The following CROCC2 variants were observed in gnomAD, a reference collection of about 807,000 sequenced individuals.
CROCC2 encodes the protein ciliary rootlet coiled-coil, rootletin family member 2.
In CROCC2, 163 loss-of-function variants were observed where a neutral mutation model predicts 177.6. The observed-to-expected ratio is 0.92, with a 90% CI of 0.81 to 1.05. CROCC2 has a LOEUF of 1.05. Ranked by LOEUF, CROCC2 falls within the 50% of genes least tolerant of loss-of-function variation. CROCC2 has a pLI of 0.00. For synonymous variants in CROCC2, 904 were observed against 787.3 expected, an observed-to-expected ratio of 1.15 and a Z score of -2.48; for missense variants, 1,929 against 1,797.8, an observed-to-expected ratio of 1.07 and a Z score of -1.32.
rs746931364 is a variant in CROCC2, at chr2:240,933,246, G to A, written c.1367G>A (p.Arg456Gln). 3.6e-4 allele frequency: 554 copies of A among 1,549,118 alleles called. No homozygotes were observed. Among genetic ancestry groups the A allele is most frequent in the Middle Eastern group, 7.3e-4 (4 of 5,514 alleles). The change falls in exon 10 of 32, where the codon CGG (arginine) becomes CAG (glutamine). Residue 456 changes from arginine (R) to glutamine (Q), a missense_variant. Arg to Gln is a conservative substitution (Grantham distance 43). This residue lies in a region of CROCC2 where 1,397 missense variants were observed against 1,239.9 expected (regional missense o/e 1.13). Coordinates refer to ENST00000690015, the MANE Select transcript of CROCC2 (RefSeq NM_001351305.2). ...AAQKLQQERA[R>Q]EQAREREALR... ...CAGAAGCTCCAGCAGGAGCGGGCTC[G>A]GGAGCAGGCACGGGAACGAGAGGCT... is the stretch of plus-strand genomic sequence containing the variant.
intron 27 of CROCC2, among the ~76,000 whole-genome samples, chr2:240,981,055 G>T (rs1407648870): frequency 8.8e-6 from 1 of 113,904 alleles, no homozygotes; most frequent in Non-Finnish European, 1.7e-5. Flanking sequence ...TCCCTGCTCA[G>T]TCTCTGGGTC....
chr2:240,932,075 A>G (rs755604120), intron 7 of CROCC2, among the ~76,000 whole-genome samples: 1 of 152,240 alleles, frequency 6.6e-6, no homozygotes, highest in Non-Finnish European at 1.5e-5. Context: ...CAGCCACTGC[A>G]TCTGAGGCTG....
chr2:240,986,667 G>A (rs930654945), intron 28 of CROCC2, among the ~76,000 whole-genome samples: 3 of 152,200 alleles, frequency 2.0e-5, no homozygotes, highest in African/African-American at 4.8e-5. Context: ...GGTGTCTTTG[G>A]ACTTCCATCC....
chr2:240,939,823 A>G (rs752896139), intron 14 of CROCC2, among the ~76,000 whole-genome samples: 9 of 152,178 alleles, frequency 5.9e-5, no homozygotes, highest in Non-Finnish European at 1.2e-4. Context: ...ATTTGGACAT[A>G]TATGGCCTAA....
chr2:240,936,662 C>A (rs893104513), intron 14 of CROCC2, among the ~76,000 whole-genome samples: 25 of 152,312 alleles, frequency 1.6e-4, no homozygotes, highest in Admixed American at 1.5e-3. Context: ...CTTCCTTGAC[C>A]CTGCCTACAA....
chr2:240,968,380 G>T, intron 27 of CROCC2, 118 bp downstream of exon 27: 1 of 1,295,616 alleles, frequency 7.7e-7, no homozygotes. Flanking sequence ...GTCTGCAAGG[G>T]CTTCTGTGGG....
chr2:240,946,113 C>T lies in CROCC2; in HGVS notation c.2223C>T (p.Asp741=), dbSNP rs922450548. Residue 741 remains aspartate, a synonymous_variant, in exon 15 of 32, where the codon GAC becomes GAT. Transcript: ENST00000690015. ...LEEQLAQSLQ[D]QEAQMGTLQQ... is the part of the protein sequence containing the mutation. ...AGCAGCTGGCTCAGAGCCTGCAGGA[C>T]CAGGAGGCCCAGATGGGCACTCTGC... 2.2e-5 allele frequency: 34 copies of T among 1,540,662 alleles called. No homozygotes were observed. Among genetic ancestry groups the T allele is most frequent in the African/African-American group, 2.7e-5 (2 of 72,918 alleles).
chr2:240,925,845 G>A lies in CROCC2; in HGVS notation c.610G>A (p.Gly204Ser), dbSNP rs1420698346. The part of the protein sequence containing the change: ...GMTGSVQRLQ[G>S]ELELRRWAQR... ...GACGGGCAGCGTGCAGCGCCTGCAGGGCGAGCTGGAGCTGAGGCGCTGGGC... is the reference window on the plus strand; with the variant it reads ...GACGGGCAGCGTGCAGCGCCTGCAGAGCGAGCTGGAGCTGAGGCGCTGGGC... Residue 204 changes from glycine to serine, a missense_variant, in exon 5 of 32, where the codon GGC (glycine) becomes AGC (serine). Coordinates refer to ENST00000690015, the MANE Select transcript of CROCC2 (RefSeq NM_001351305.2). 5.6e-6 allele frequency: 4 copies of A among 715,520 alleles called. No homozygotes were observed. The highest frequency in any genetic ancestry group is 1.0e-5 in the Non-Finnish European group (4 of 384,644). The allele number at this position is 715,520 out of a possible 1,614,324, so 44.3% of individuals were successfully genotyped here. A position where few individuals can be genotyped will look rare whatever the true frequency, so the allele number is the denominator to read the frequency against.
rs2059805121 is a variant in CROCC2, at chr2:240,982,133, G to C, written c.4402-747G>C. 1 of 152,216 alleles carries C rather than the reference G, an allele frequency of 6.6e-6. No homozygotes were observed. Among genetic ancestry groups the C allele is most frequent in the Non-Finnish European group, 1.5e-5 (1 of 68,180 alleles). 9.4% of individuals were successfully genotyped at this position (152,216 alleles called of 1,614,324 possible). On this transcript the variant is annotated intron_variant, in intron 27 of 31. Coordinates refer to ENST00000690015, the MANE Select transcript of CROCC2 (RefSeq NM_001351305.2). The surrounding 1 kb of genome is among the most constrained non-coding windows in gnomAD (Gnocchi z 4.7). Reference sequence around the variant, plus strand: ...TGGCGAGTTCCCCGGGCAGTGTCCTGGGGGCAGCTGGGAGCACCACAGGCC... The same window carrying C: ...TGGCGAGTTCCCCGGGCAGTGTCCTCGGGGCAGCTGGGAGCACCACAGGCC...
rs1337917103 is a variant in CROCC2 at position 240,980,980 on chromosome 2, G to C, written c.4402-1900G>C. On this transcript the variant is annotated intron_variant, in intron 27 of 31. Coordinates refer to ENST00000690015, the MANE Select transcript of CROCC2 (RefSeq NM_001351305.2). Reference sequence around the variant, plus strand: ...TCCCTGCTCAGGCTCTGGGGTAGGAGCCTCAGGATCCCAGACTCATCCCTG... The same window carrying C: ...TCCCTGCTCAGGCTCTGGGGTAGGACCCTCAGGATCCCAGACTCATCCCTG... 1.5e-4 allele frequency among the ~76,000 whole-genome samples: 14 copies of C among 92,722 alleles called. 2 individuals are homozygous for C. Among genetic ancestry groups the C allele is most frequent in the Non-Finnish European group, 2.6e-4 (13 of 50,144 alleles). 60.8% of individuals were successfully genotyped at this position (92,722 alleles called of 152,430 possible). A position where few individuals can be genotyped will look rare whatever the true frequency, so the allele number is the denominator to read the frequency against.
intron 18 of CROCC2, among the ~76,000 whole-genome samples, chr2:240,952,621 C>T (rs1332561261): frequency 6.6e-6 from 1 of 152,170 alleles, no homozygotes; most frequent in African/African-American, 2.4e-5. Flanking sequence ...GTGGAGAGGA[C>T]GTGGACATTG....
intron 27 of CROCC2, among the ~76,000 whole-genome samples, chr2:240,970,801 C>T (rs537915567): frequency 6.6e-6 from 1 of 152,216 alleles, no homozygotes; most frequent in Non-Finnish European, 1.5e-5. Context: ...TGGTGCACTA[C>T]TTTTTGCAAC....
intron 15 of CROCC2, among the ~76,000 whole-genome samples, chr2:240,946,483 G>A (rs2059525659): frequency 6.6e-6 from 1 of 152,246 alleles, no homozygotes; most frequent in Admixed American, 6.5e-5. Context: ...TGAAAGAGGT[G>A]GTGGCAAGTG....
chr2:240,936,182 T>C (rs186240590), intron 14 of CROCC2, among the ~76,000 whole-genome samples: 1 of 152,298 alleles, frequency 6.6e-6, no homozygotes, highest in Non-Finnish European at 1.5e-5. Context: ...TTTTCTGGGG[T>C]CACCTTTTTC....
intron 29 of CROCC2, 85 bp downstream of exon 29, chr2:240,988,955 G>C: frequency 7.7e-7 from 1 of 1,295,002 alleles, no homozygotes. Flanking sequence ...GTTCCAGAGG[G>C]GTGGCTGGTG....
At chr2:240,929,571 G>T (rs1055338362) in intron 5 of CROCC2, 8 of 431,666 alleles carry the variant, frequency 1.9e-5, no homozygotes, top group Non-Finnish European at 3.3e-5. Context: ...TGTCTCGGTT[G>T]TGGCTTCCCA....
At chr2:240,948,566 G>A (rs1321640288) in intron 15 of CROCC2, among the ~76,000 whole-genome samples, 2 of 152,218 alleles carry the variant, frequency 1.3e-5, no homozygotes, top group Non-Finnish European at 2.9e-5. Flanking sequence ...TTGATGGTTG[G>A]ATCATTGATG....
At position 240,963,567 on chromosome 2, in the gene CROCC2, G is replaced by T; in HGVS notation, c.3099G>T (p.Leu1033=). The change falls in exon 21 of 32, where the codon CTG becomes CTT. Residue 1033 remains leucine, a synonymous_variant. Coordinates refer to ENST00000690015, the MANE Select transcript of CROCC2 (RefSeq NM_001351305.2). ...ATGGTCCTCCCCAGGCTGAGAGGCT[G>T]CGGGCACAGCTGACCGTGGCCCAGG... ...RGDVEREAER[L]RAQLTVAQEG... is the part of the protein sequence containing the mutation. 1 of 1,542,992 alleles carries T rather than the reference G, an allele frequency of 6.5e-7. No individual in the cohort carries two copies. Among genetic ancestry groups the T allele is most frequent in the Non-Finnish European group, 8.7e-7 (1 of 1,142,934 alleles).
chr2:240,989,580 TG>T, intron 29 of CROCC2, 73 bp from the exon 30 acceptor site: 1 of 1,415,616 alleles, frequency 7.1e-7, no homozygotes, highest in Non-Finnish European at 9.6e-7. Flanking sequence ...AAACACCCTG[TG>T]GCACTCCTGC....
Sources: gnomAD v4.1 joint callset for allele counts (sites outside exome capture counted in the v4.1 genomes callset) on GRCh38, gnomAD v4.1.1 for gene constraint, gnomAD v4.1.1 regional missense constraint, Gnocchi (gnomAD v3.1) non-coding constraint, MANE v1.5 for transcripts, NCBI Gene and HGNC (gene_info 2026-07-23, HGNC 2026-07-21) for gene names.